The following USP6NL variants were observed in gnomAD, a reference collection of about 807,000 sequenced individuals.
USP6NL encodes the protein USP6 N-terminal-like protein.
USP6NL carries 26 observed loss-of-function variants against 61.9 expected under a neutral mutation model. That is an observed-to-expected ratio of 0.42 (90% CI 0.31 to 0.58). The LOEUF (loss-of-function observed/expected upper bound fraction) is 0.58, where lower values mean the gene tolerates loss of function less well. USP6NL is among the 20% of genes least tolerant of loss of function. The probability of loss-of-function intolerance (pLI) is 0.16; values close to 1 mark genes in which losing one functional copy is unlikely to be tolerated. For missense variants in USP6NL, 1,114 were observed against 1,034.3 expected (o/e 1.08, Z -1.06); for synonymous variants, 432 against 390.1 (o/e 1.11, Z -1.27).
At chr10:11,494,636 T>G (rs1394599768) in intron 7 of USP6NL, among the ~76,000 whole-genome samples, 1 of 151,766 alleles carries the variant, frequency 6.6e-6, no homozygotes, top group Non-Finnish European at 1.5e-5. Flanking sequence ...AGGGGCAGGG[T>G]AAAGAGTGTG....
chr10:11,493,934 T>C (rs1431495838), intron 7 of USP6NL, among the ~76,000 whole-genome samples: 1 of 152,230 alleles, frequency 6.6e-6, no homozygotes, highest in Non-Finnish European at 1.5e-5. Flanking sequence ...TCTTGGAGCC[T>C]CCCTTCTCCA....
At chr10:11,515,857 C>A (rs948456392) in intron 5 of USP6NL, among the ~76,000 whole-genome samples, 2 of 152,062 alleles carry the variant, frequency 1.3e-5, no homozygotes, top group African/African-American at 2.4e-5. Context: ...TTACAGAACA[C>A]CCTGACATTG....
In USP6NL at chr10:11,485,783, T is replaced by C; in HGVS notation, c.759+34A>G. 1 of 1,397,226 alleles carries C rather than the reference T, an allele frequency of 7.2e-7. No individual in the cohort carries two copies. Among genetic ancestry groups the C allele is most frequent in the Non-Finnish European group, 9.8e-7 (1 of 1,024,196 alleles). 86.6% of individuals were successfully genotyped at this position (1,397,226 alleles called of 1,614,324 possible). ...ATCCCAGCTTTTTTTGGGGGGTGGG[T>C]AGGTGGGTGTAAGTCAGTGGCACAT... On this transcript the variant is annotated intron_variant, in intron 11 of 14. Coordinates refer to ENST00000609104, the MANE Select transcript of USP6NL (RefSeq NM_014688.5). The surrounding 1 kb of genome is among the most constrained non-coding windows in gnomAD (Gnocchi z 4.8).
rs1405941000 is a variant in USP6NL, at chr10:11,490,904, A to C, written c.495-24T>G. On this transcript the variant is annotated intron_variant, in intron 8 of 14. Coordinates refer to ENST00000609104, the MANE Select transcript of USP6NL (RefSeq NM_014688.5). This position sits in a 1 kb window ranked among gnomAD's most constrained non-coding sequence, Gnocchi z 4.5. ...GCCTAGAGAAAAAAATTTACATTAA[A>C]TACAATTTAGTAATTTCACATATTT... The C allele has an allele frequency of 6.6e-7, 1 of 1,517,518 alleles. No individual in the cohort carries two copies. Among genetic ancestry groups the C allele is most frequent in the Non-Finnish European group, 8.8e-7 (1 of 1,133,862 alleles). 94.0% of individuals were successfully genotyped at this position (1,517,518 alleles called of 1,614,324 possible).
intron 1 of USP6NL, among the ~76,000 whole-genome samples, chr10:11,603,164 T>C (rs1489367761): frequency 1.3e-5 from 2 of 152,244 alleles, no homozygotes; most frequent in Non-Finnish European, 2.9e-5. Context: ...TCGGTTTCTT[T>C]ACACTTGTAT....
In USP6NL at chr10:11,481,394, T is replaced by C. The variant is rs1205832351; in HGVS notation, c.1078+376A>G. ...CTATAAGATGGGGCTTTTACTGTACTTACTATTGCTGTACTTACTATTGTA... is the reference window on the plus strand; with the variant it reads ...CTATAAGATGGGGCTTTTACTGTACCTACTATTGCTGTACTTACTATTGTA... On this transcript the variant is annotated intron_variant, in intron 14 of 14. Transcript: ENST00000609104. The surrounding 1 kb of genome is among the most constrained non-coding windows in gnomAD (Gnocchi z 4.4). Among the ~76,000 whole-genome samples the C allele has an allele frequency of 6.6e-6, 1 of 152,168 alleles. No individual in the cohort carries two copies. Among genetic ancestry groups the C allele is most frequent in the Non-Finnish European group, 1.5e-5 (1 of 68,030 alleles).
chr10:11,518,752 C>G lies in USP6NL; in HGVS notation c.156-178G>C, dbSNP rs1260156885. On this transcript the variant is annotated intron_variant, in intron 4 of 14. Coordinates refer to ENST00000609104, the MANE Select transcript of USP6NL (RefSeq NM_014688.5). This position sits in a 1 kb window ranked among gnomAD's most constrained non-coding sequence, Gnocchi z 5.3. ...AGCTACTCTAGAACCACAGGGCCACCTATCTTCAAAATCCAGCCCTGCACT... is the reference window on the plus strand; with the variant it reads ...AGCTACTCTAGAACCACAGGGCCACGTATCTTCAAAATCCAGCCCTGCACT... 6.6e-6 allele frequency among the ~76,000 whole-genome samples: 1 copy of G among 152,176 alleles called. No individual in the cohort carries two copies. Among genetic ancestry groups the G allele is most frequent in the Non-Finnish European group, 1.5e-5 (1 of 68,026 alleles).
At position 11,462,942 on chromosome 10, in the gene USP6NL, A is replaced by G. The variant is rs771684106; in HGVS notation, c.1986T>C (p.Thr662=). The change falls in exon 15 of 15, where the codon ACT becomes ACC. Residue 662 remains threonine, a synonymous_variant. Transcript: ENST00000609104. ...GAGGTCTCCTGGAAGGATTCAGTTG[A>G]GTCCCAGGGCTAAACTGTGGAGAAG... ...SFASPQFSPG[T]QLNPSRRPHG... The G allele has an allele frequency of 3.1e-6, 5 of 1,613,658 alleles. No individual in the cohort carries two copies. The South Asian group carries it at 4.4e-5, about 14-fold the overall frequency.
chr10:11,559,808 C>T (rs1227397941), intron 2 of USP6NL, among the ~76,000 whole-genome samples: 2 of 152,152 alleles, frequency 1.3e-5, no homozygotes, highest in East Asian at 3.9e-4. Context: ...CTGATGATGA[C>T]TACTAGCCCT....
In USP6NL at chr10:11,471,213, C is replaced by T. The variant is rs561238044; in HGVS notation, c.1079-7364G>A. On this transcript the variant is annotated intron_variant, in intron 14 of 14. Coordinates refer to ENST00000609104, the MANE Select transcript of USP6NL (RefSeq NM_014688.5). ...ACAAACAAACAAACAAAAAAAACACCACCAACAACAAAAAACACCCACATA... is the reference window on the plus strand; with the variant it reads ...ACAAACAAACAAACAAAAAAAACACTACCAACAACAAAAAACACCCACATA... Among the ~76,000 whole-genome samples, 6 of 152,052 alleles carry T rather than the reference C, an allele frequency of 3.9e-5. No homozygotes were observed. In the South Asian group the frequency reaches 1.2e-3, roughly 32 times the overall value.
rs544108203 is a variant in USP6NL at position 11,505,528 on chromosome 10, C to T, written c.276+4067G>A. The stretch of plus-strand genomic sequence containing the variant: ...TACTCTTAACAACCATGATAAAGAA[C>T]TTCTACATATTGAATTGTAACATTT... On this transcript the variant is annotated intron_variant, in intron 6 of 14. Coordinates refer to ENST00000609104, the MANE Select transcript of USP6NL (RefSeq NM_014688.5). Among the ~76,000 whole-genome samples, 14 of 152,294 alleles carry T rather than the reference C, an allele frequency of 9.2e-5. No homozygotes were observed. In the South Asian group the frequency reaches 2.5e-3, roughly 27 times the overall value.
At chr10:11,503,778 A>G (rs933922400) in intron 6 of USP6NL, among the ~76,000 whole-genome samples, 15 of 152,212 alleles carry the variant, frequency 9.9e-5, no homozygotes, top group Non-Finnish European at 1.0e-4. Flanking sequence ...TAACAATTCT[A>G]TAACTTTAAT....
chr10:11,467,058 C>T (rs1832497082), intron 14 of USP6NL, among the ~76,000 whole-genome samples: 1 of 152,112 alleles, frequency 6.6e-6, no homozygotes, highest in Admixed American at 6.5e-5. Context: ...CTGGGATCTC[C>T]CTGGAATTTT....
chr10:11,548,777 C>G lies in USP6NL; in HGVS notation c.5-21210G>C, dbSNP rs1295144638. 1.3e-5 allele frequency among the ~76,000 whole-genome samples: 2 copies of G among 152,152 alleles called. No homozygotes were observed. The highest frequency in any genetic ancestry group is 2.9e-5 in the Non-Finnish European group (2 of 68,004). On this transcript the variant is annotated intron_variant, in intron 2 of 14. Transcript: ENST00000609104. The surrounding 1 kb of genome is among the most constrained non-coding windows in gnomAD (Gnocchi z 4.3). The stretch of plus-strand genomic sequence containing the variant: ...TCCAACCATCATTTGTTCTTCTAGT[C>G]TATGGTAGGATCATAGAAGACATGT...
intron 2 of USP6NL, among the ~76,000 whole-genome samples, chr10:11,567,760 T>C (rs1333759994): frequency 6.6e-6 from 1 of 152,210 alleles, no homozygotes; most frequent in East Asian, 1.9e-4. Context: ...CTTACCTTTA[T>C]TCCTTACAGT....
At position 11,461,624 on chromosome 10, in the gene USP6NL, A is replaced by G. The variant is rs1055688027; in HGVS notation, c.*817T>C. On this transcript the variant is annotated 3_prime_UTR_variant, in exon 15 of 15. Transcript: ENST00000609104. ...TGAGATTCGCAAGAGTCAGACCAGAACAAAGGGCACAAACGCACTAAGACC... is the reference window on the plus strand; with the variant it reads ...TGAGATTCGCAAGAGTCAGACCAGAGCAAAGGGCACAAACGCACTAAGACC... 2 of 152,244 alleles carry G rather than the reference A, an allele frequency of 1.3e-5. No homozygotes were observed. The highest frequency in any genetic ancestry group is 2.4e-5 in the African/African-American group (1 of 41,458). 9.4% of individuals were successfully genotyped at this position (152,244 alleles called of 1,614,324 possible). A position where few individuals can be genotyped will look rare whatever the true frequency, so the allele number is the denominator to read the frequency against.
intron 2 of USP6NL, among the ~76,000 whole-genome samples, chr10:11,558,214 TG>T (rs948579265): frequency 9.2e-5 from 14 of 152,308 alleles, no homozygotes; most frequent in African/African-American, 3.1e-4. Flanking sequence ...CCTGCTCCTT[TG>T]TCCCCCAACT....
At position 11,478,549 on chromosome 10, in the gene USP6NL, G is replaced by C. The variant is rs1311603038; in HGVS notation, c.1078+3221C>G. On this transcript the variant is annotated intron_variant, in intron 14 of 14. Coordinates refer to ENST00000609104, the MANE Select transcript of USP6NL (RefSeq NM_014688.5). This position sits in a 1 kb window ranked among gnomAD's most constrained non-coding sequence, Gnocchi z 6.8. Reference sequence around the variant, plus strand: ...GTATCTGAATACCACTAAAATACTAGTGGATTCTTTTTTGTAACTTGACAA... The same window carrying C: ...GTATCTGAATACCACTAAAATACTACTGGATTCTTTTTTGTAACTTGACAA... Among the ~76,000 whole-genome samples the C allele has an allele frequency of 1.3e-5, 2 of 152,128 alleles. No homozygotes were observed. The highest frequency in any genetic ancestry group is 2.4e-5 in the African/African-American group (1 of 41,402).
chr10:11,522,876 C>T (rs1044315745), intron 4 of USP6NL, among the ~76,000 whole-genome samples: 22 of 152,196 alleles, frequency 1.4e-4, no homozygotes, highest in Non-Finnish European at 2.4e-4. Flanking sequence ...GTTCAGAATG[C>T]AAGTTCTGCA....
Sources: gnomAD v4.1 joint callset for allele counts (sites outside exome capture counted in the v4.1 genomes callset) on GRCh38, gnomAD v4.1.1 for gene constraint, Gnocchi (gnomAD v3.1) non-coding constraint, MANE v1.5 for transcripts, NCBI Gene and HGNC (gene_info 2026-07-23, HGNC 2026-07-21) for gene names.